The following HECW1 variants were observed in gnomAD, a reference collection of about 807,000 sequenced individuals.
The protein encoded by HECW1 is HECT, C2 and WW domain containing E3 ubiquitin protein ligase 1.
Under a neutral mutation model 182.3 loss-of-function variants are expected in HECW1, and 61 were observed. The ratio of observed to expected loss-of-function variants is 0.33; its 90% CI spans 0.27 to 0.41. HECW1 has a LOEUF of 0.41. HECW1 is among the 10% of genes least tolerant of loss of function. The pLI is 1.00. For synonymous variants in HECW1, 859 were observed against 832.6 expected (o/e 1.03, Z -0.55); for missense variants, 1,739 against 2,108.9 (o/e 0.82, Z 3.44).
chr7:43,238,803 G>A (rs572601998), intron 2 of HECW1, among the ~76,000 whole-genome samples: 2 of 151,996 alleles, frequency 1.3e-5, no homozygotes, highest in South Asian at 4.2e-4. Flanking sequence ...TCCCTCTAAT[G>A]TAAGAGGGTT....
chr7:43,196,878 G>A (rs2152686680), intron 2 of HECW1, among the ~76,000 whole-genome samples: 1 of 152,124 alleles, frequency 6.6e-6, no homozygotes, highest in African/African-American at 2.4e-5. Context: ...ATTAAACTAT[G>A]TTTTAAATTG....
At chr7:43,190,355 G>A (rs1201290229) in intron 2 of HECW1, among the ~76,000 whole-genome samples, 3 of 152,088 alleles carry the variant, frequency 2.0e-5, no homozygotes, top group Non-Finnish European at 2.9e-5. Flanking sequence ...CTCATGATCC[G>A]CCCACCTTGG....
chr7:43,152,769 G>A (rs967066074), intron 2 of HECW1, among the ~76,000 whole-genome samples: 10 of 152,136 alleles, frequency 6.6e-5, no homozygotes, highest in Non-Finnish European at 1.0e-4. Context: ...ACTTCATTCC[G>A]GGGGCCCTCG....
intron 24 of HECW1, among the ~76,000 whole-genome samples, chr7:43,538,428 TA>T (rs538756792): frequency 1.3e-5 from 2 of 152,242 alleles, no homozygotes; most frequent in Middle Eastern, 3.4e-3. Context: ...GTAGCTAACA[TA>T]AAAAACTAAT....
chr7:43,237,474 C>A (rs2152714339), intron 2 of HECW1, among the ~76,000 whole-genome samples: 1 of 152,268 alleles, frequency 6.6e-6, no homozygotes, highest in South Asian at 2.1e-4. Flanking sequence ...GTGCCTGGCT[C>A]TGAATCTGCT....
chr7:43,201,353 G>A (rs1206363443), intron 2 of HECW1, among the ~76,000 whole-genome samples: 1 of 152,236 alleles, frequency 6.6e-6, no homozygotes, highest in African/African-American at 2.4e-5. Flanking sequence ...CCATGAGACT[G>A]TAGAGGCAGG....
intron 3 of HECW1, among the ~76,000 whole-genome samples, chr7:43,294,375 G>C (rs577259820): frequency 2.6e-5 from 4 of 152,284 alleles, no homozygotes; most frequent in Non-Finnish European, 4.4e-5. Flanking sequence ...ATGGGGGGAG[G>C]GGGGAGGATG....
At chr7:43,473,670 G>A (rs56367292) in intron 16 of HECW1, among the ~76,000 whole-genome samples, 24,739 of 152,004 alleles carry the variant, frequency 0.16, 2,550 homozygotes, top group South Asian at 0.23. Flanking sequence ...GATGAGCAGG[G>A]GAAGGAAAGT....
At chr7:43,304,459 GTTATTTATTTATTTAT>G (rs61241516) in intron 3 of HECW1, among the ~76,000 whole-genome samples, 2,643 of 141,334 alleles carry the variant, frequency 0.019, 63 homozygotes, top group African/African-American at 0.059. Flanking sequence ...ATTCAACACA[GTTATTTATTTATTTAT>G]TTATTTATTT....
intron 3 of HECW1, among the ~76,000 whole-genome samples, chr7:43,261,210 A>G (rs1801133855): frequency 6.6e-6 from 1 of 152,204 alleles, no homozygotes; most frequent in Non-Finnish European, 1.5e-5. Context: ...ATGGCTAGTG[A>G]TGAATATTTG....
chr7:43,367,562 T>C (rs1376405937), intron 6 of HECW1, among the ~76,000 whole-genome samples: 1 of 152,222 alleles, frequency 6.6e-6, no homozygotes, highest in Admixed American at 6.5e-5. Context: ...ATAGATTAAA[T>C]GATACAGATA....
At chr7:43,165,242 C>G (rs574575723) in intron 2 of HECW1, among the ~76,000 whole-genome samples, 1 of 152,138 alleles carries the variant, frequency 6.6e-6, no homozygotes, top group African/African-American at 2.4e-5. Flanking sequence ...TTCCCTTTTT[C>G]TTTTCCTCTG....
chr7:43,419,534 G>A (rs1389232868), intron 8 of HECW1, among the ~76,000 whole-genome samples: 1 of 152,032 alleles, frequency 6.6e-6, no homozygotes, highest in East Asian at 1.9e-4. Flanking sequence ...TTCTTTGTAA[G>A]TGTACTAGTA....
intron 6 of HECW1, among the ~76,000 whole-genome samples, chr7:43,393,561 T>G (rs1019719688): frequency 2.6e-5 from 4 of 152,206 alleles, no homozygotes; most frequent in Non-Finnish European, 5.9e-5. Context: ...TTAGATGACT[T>G]TGTAAATGAT....
At chr7:43,263,606 G>A (rs550832208) in intron 3 of HECW1, among the ~76,000 whole-genome samples, 2 of 152,224 alleles carry the variant, frequency 1.3e-5, no homozygotes, top group Admixed American at 6.5e-5. Context: ...TGATCCGCCC[G>A]CCTCAGCCTC....
chr7:43,226,790 A>G lies in HECW1; in HGVS notation c.-31-17085A>G, dbSNP rs115910874. ...ATTTCTAAAATGCTGCCCTCCGAAG[A>G]GCCTGGCGTCTCCCGCACATGGGCG... On this transcript the variant is annotated intron_variant, in intron 2 of 29. Coordinates refer to ENST00000395891, the MANE Select transcript of HECW1 (RefSeq NM_015052.5). Among the ~76,000 whole-genome samples the G allele has an allele frequency of 6.1e-3, 934 of 152,248 alleles. 6 individuals are homozygous for G. The highest frequency in any genetic ancestry group is 0.021 in the African/African-American group (869 of 41,544).
chr7:43,467,867 C>T (rs754244417), intron 15 of HECW1, among the ~76,000 whole-genome samples: 142 of 152,136 alleles, frequency 9.3e-4, no homozygotes, highest in Non-Finnish European at 1.8e-3. Flanking sequence ...TGATGGAGGG[C>T]GTGGCTGCAA....
chr7:43,253,823 G>A (rs1400496162), intron 3 of HECW1, among the ~76,000 whole-genome samples: 4 of 152,004 alleles, frequency 2.6e-5, no homozygotes, highest in South Asian at 2.1e-4. Context: ...CAGAAGAGTC[G>A]CCTGAACCTG....
chr7:43,355,849 T>C (rs1257490121), intron 5 of HECW1, among the ~76,000 whole-genome samples: 2 of 151,660 alleles, frequency 1.3e-5, no homozygotes, highest in African/African-American at 4.8e-5. Context: ...ATTAGCTGGG[T>C]GTGGTGGCGC....
Sources: gnomAD v4.1 joint callset for allele counts (sites outside exome capture counted in the v4.1 genomes callset) on GRCh38, gnomAD v4.1.1 for gene constraint, MANE v1.5 for transcripts, NCBI Gene and HGNC (gene_info 2026-07-23, HGNC 2026-07-21) for gene names.